KCNJ9: variants seen among roughly 807,000 people sequenced by gnomAD.
KCNJ9 encodes potassium inwardly rectifying channel subfamily J member 9, also known as G protein-activated inward rectifier potassium channel 3.
In KCNJ9, 18 loss-of-function variants were observed where a neutral mutation model predicts 27.9. That is an observed-to-expected ratio of 0.65 (90% CI 0.45 to 0.96). KCNJ9 has a LOEUF of 0.96. Ranked by LOEUF, KCNJ9 falls within the 40% of genes least tolerant of loss-of-function variation. The pLI is 0.00. For missense variants in KCNJ9, 324 were observed against 557.5 expected (o/e 0.58, Z 4.22); for synonymous variants, 229 against 248.2 (o/e 0.92, Z 0.73).
chr1:160,083,815 C>G (rs554385979), intron 1 of KCNJ9, 102 bp from the exon 2 acceptor site: 1 of 311,542 alleles, frequency 3.2e-6, no homozygotes, highest in Non-Finnish European at 5.8e-6. Context: ...CCAGGCAACA[C>G]GAAGGGACTC....
chr1:160,084,788 C>T lies in KCNJ9; in HGVS notation c.758C>T (p.Ala253Val). 6.4e-7 allele frequency: 1 copy of T among 1,553,772 alleles called. No individual in the cohort carries two copies. The highest frequency in any genetic ancestry group is 8.7e-7 in the Non-Finnish European group (1 of 1,149,388). The change falls in exon 2 of 3, where the codon GCC becomes GTC. Residue 253 changes from alanine (A) to valine (V), a missense_variant. Coordinates refer to ENST00000368088, the MANE Select transcript of KCNJ9 (RefSeq NM_004983.3). ...CTGGTTATCAGCCACGAGATCGACG[C>T]CGCCAGCCCCTTCTGGGAGGCGTCG... ...SPLVISHEID[A>V]ASPFWEASRR...
Position 160,089,804 on chromosome 1 carries a change from G to A in KCNJ9, c.*1987G>A, listed in dbSNP as rs12094214. On this transcript the variant is annotated 3_prime_UTR_variant, in exon 3 of 3. Coordinates refer to ENST00000368088, the MANE Select transcript of KCNJ9 (RefSeq NM_004983.3). ...GAGAGCCTGCCCTGGGACAGCGCCT[G>A]TCTCCCACACAGCAGCACTGGCCCA... 2,610 of 152,454 alleles carry A rather than the reference G, an allele frequency of 0.017. 81 individuals carry two copies. Among genetic ancestry groups the A allele is most frequent in the African/African-American group, 0.059 (2,459 of 41,532 alleles). The allele number at this position is 152,454 out of a possible 1,614,324, so 9.4% of individuals were successfully genotyped here.
At position 160,087,615 on chromosome 1, in the gene KCNJ9, A is replaced by C. The variant is rs759288592; in HGVS notation, c.980A>C (p.Glu327Ala). The C allele has an allele frequency of 6.2e-7, 1 of 1,613,448 alleles. No homozygotes were observed. The highest frequency in any genetic ancestry group is 1.1e-5 in the South Asian group (1 of 91,064). Reference protein sequence around the residue: ...VDYASFHETFEVPTPSCSARE... With the variant: ...VDYASFHETFAVPTPSCSARE... ...TATGCCAGCTTTCACGAGACTTTTG[A>C]GGTGCCCACACCTTCGTGCAGTGCT... The change falls in exon 3 of 3, where the codon GAG (glutamate) becomes GCG (alanine). Residue 327 changes from glutamate to alanine, a missense_variant. Physicochemically the swap from Glu to Ala is moderately radical, Grantham distance 107. Coordinates refer to ENST00000368088, the MANE Select transcript of KCNJ9 (RefSeq NM_004983.3).
rs1649871104 is a variant in KCNJ9 at position 160,090,091 on chromosome 1, T to A, written c.*2274T>A. The A allele has an allele frequency of 6.6e-6, 1 of 152,192 alleles. No homozygotes were observed. The highest frequency in any genetic ancestry group is 2.1e-4 in the South Asian group (1 of 4,826). The allele number at this position is 152,192 out of a possible 1,614,324, so 9.4% of individuals were successfully genotyped here. A position where few individuals can be genotyped will look rare whatever the true frequency, so the allele number is the denominator to read the frequency against. On this transcript the variant is annotated 3_prime_UTR_variant, in exon 3 of 3. Coordinates refer to ENST00000368088, the MANE Select transcript of KCNJ9 (RefSeq NM_004983.3). Reference sequence around the variant, plus strand: ...CTTCCTTTCAGTCAAAACACGGATATCTTTGCCTCAGGTCACAGGGCCACT... The same window carrying A: ...CTTCCTTTCAGTCAAAACACGGATAACTTTGCCTCAGGTCACAGGGCCACT...
chr1:160,081,981 G>C (rs1293728596), intron 1 of KCNJ9, among the ~76,000 whole-genome samples: 1 of 152,220 alleles, frequency 6.6e-6, no homozygotes, highest in Non-Finnish European at 1.5e-5. Context: ...TCTTGAGATA[G>C]AGGTAACAAT....
At chr1:160,085,846 G>C (rs886718788) in intron 2 of KCNJ9, among the ~76,000 whole-genome samples, 1 of 152,202 alleles carries the variant, frequency 6.6e-6, no homozygotes, top group Admixed American at 6.5e-5. Flanking sequence ...GCTCCCTGCC[G>C]GCTTCGCTGA....
In KCNJ9 at chr1:160,090,073, T is replaced by C. The variant is rs1185121806; in HGVS notation, c.*2256T>C. The C allele has an allele frequency of 6.6e-6, 1 of 152,172 alleles. No individual in the cohort carries two copies. Among genetic ancestry groups the C allele is most frequent in the East Asian group, 1.9e-4 (1 of 5,196 alleles). The allele number at this position is 152,172 out of a possible 1,614,324, so 9.4% of individuals were successfully genotyped here. A position where few individuals can be genotyped will look rare whatever the true frequency, so the allele number is the denominator to read the frequency against. On this transcript the variant is annotated 3_prime_UTR_variant, in exon 3 of 3. Transcript: ENST00000368088. ...GGACCCAAGTCCCAGTCCCTTCCTT[T>C]CAGTCAAAACACGGATATCTTTGCC...
At position 160,081,681 on chromosome 1, in the gene KCNJ9, T is replaced by A. The variant is rs932500751; in HGVS notation, c.-131T>A. 1.3e-5 allele frequency: 2 copies of A among 152,084 alleles called. No homozygotes were observed. 9.4% of individuals were successfully genotyped at this position (152,084 alleles called of 1,614,324 possible). On this transcript the variant is annotated 5_prime_UTR_variant, in exon 1 of 3. Transcript: ENST00000368088. ...CCCAGGGGTCTCTGCTGCCGGCTAC[T>A]CTCCTCTCCACGTGCTGTGAGTTGA...
intron 1 of KCNJ9, among the ~76,000 whole-genome samples, chr1:160,083,610 G>A (rs923217732): frequency 4.6e-5 from 7 of 152,080 alleles, no homozygotes; most frequent in African/African-American, 1.7e-4. Flanking sequence ...CTTTGGCCCC[G>A]GGGCTGCCCC....
At chr1:160,085,745 AGGATAGATGAGG>A (rs1453604656) in intron 2 of KCNJ9, among the ~76,000 whole-genome samples, 2 of 152,212 alleles carry the variant, frequency 1.3e-5, no homozygotes, top group African/African-American at 4.8e-5. Context: ...TGAGATCTAG[AGGATAGATGAGG>A]ATGAGGAAAC....
In KCNJ9 at chr1:160,084,858, C is replaced by G; in HGVS notation, c.828C>G (p.Leu276=). 1 of 1,532,714 alleles carries G rather than the reference C, an allele frequency of 6.5e-7. No individual in the cohort carries two copies. The highest frequency in any genetic ancestry group is 8.8e-7 in the Non-Finnish European group (1 of 1,139,046). 94.9% of individuals were successfully genotyped at this position (1,532,714 alleles called of 1,614,324 possible). A position where few individuals can be genotyped will look rare whatever the true frequency, so the allele number is the denominator to read the frequency against. Residue 276 remains leucine, a synonymous_variant, in exon 2 of 3, where the codon CTC becomes CTG. Coordinates refer to ENST00000368088, the MANE Select transcript of KCNJ9 (RefSeq NM_004983.3). The stretch of plus-strand genomic sequence containing the variant: ...ACGACTTCGAGATCGTCGTTATCCT[C>G]GAGGGCATGGTGGAAGCCACGGGTG... ...ERDDFEIVVI[L]EGMVEATGMT... is the part of the protein sequence containing the mutation.
At chr1:160,085,071 A>G (rs901476342) in intron 2 of KCNJ9, among the ~76,000 whole-genome samples, 191 bp downstream of exon 2, 2 of 152,168 alleles carry the variant, frequency 1.3e-5, no homozygotes, top group African/African-American at 4.8e-5. Context: ...GGCCAAGAGA[A>G]AGCTTGGAGG....
Position 160,088,129 on chromosome 1 carries a change from G to A in KCNJ9, c.*312G>A. On this transcript the variant is annotated 3_prime_UTR_variant, in exon 3 of 3. Transcript: ENST00000368088. ...TTGGGGGTTGGATGGGAAGATGGTA[G>A]CAGATAAAGACAGCTGACAGATACA... 3.2e-6 allele frequency: 1 copy of A among 317,366 alleles called. No homozygotes were observed. The highest frequency in any genetic ancestry group is 5.7e-6 in the Non-Finnish European group (1 of 173,926). 19.7% of individuals were successfully genotyped at this position (317,366 alleles called of 1,614,324 possible).
At chr1:160,085,506 T>G (rs1649760928) in intron 2 of KCNJ9, among the ~76,000 whole-genome samples, 1 of 152,196 alleles carries the variant, frequency 6.6e-6, no homozygotes, top group Non-Finnish European at 1.5e-5. Flanking sequence ...AGGCCGGATC[T>G]TGAGGGGAGT....
rs370461034 is a variant in KCNJ9 at position 160,084,249 on chromosome 1, C to T, written c.219C>T (p.Leu73=). 5.6e-6 allele frequency: 9 copies of T among 1,613,354 alleles called. No individual in the cohort carries two copies. In the African/African-American group the frequency reaches 1.2e-4, roughly 22 times the overall value. The change falls in exon 2 of 3, where the codon CTC becomes CTT. Residue 73 remains leucine, a synonymous_variant. Coordinates refer to ENST00000368088, the MANE Select transcript of KCNJ9 (RefSeq NM_004983.3). ...TCCTGGCCTACGCGCTCACCTGGCT[C>T]TTCTTCGGCGCCATCTGGTGGCTGA... ...FFVLAYALTW[L]FFGAIWWLIA...
Position 160,084,156 on chromosome 1 carries a change from C to A in KCNJ9, c.126C>A (p.Tyr42Ter). The change falls in exon 2 of 3, where the codon TAC becomes TAA. Residue 42 changes from tyrosine (Y) to a stop codon, truncating the protein, a stop_gained. Transcript: ENST00000368088. LOFTEE classifies it high-confidence loss of function. ...AGCAGGGCAACGTGCGCGAGACATA[C>A]CGCTACCTGACGGACCTGTTCACCA... The part of the protein sequence containing the change: ...NVQQGNVRET[Y>*]RYLTDLFTTL... 1 of 1,593,336 alleles carries A rather than the reference C, an allele frequency of 6.3e-7. No homozygotes were observed. The highest frequency in any genetic ancestry group is 8.5e-7 in the Non-Finnish European group (1 of 1,169,664).
rs1229784503 is a variant in KCNJ9, at chr1:160,088,991, T to G, written c.*1174T>G. 6.6e-6 allele frequency: 1 copy of G among 152,250 alleles called. No individual in the cohort carries two copies. The highest frequency in any genetic ancestry group is 1.5e-5 in the Non-Finnish European group (1 of 68,074). 9.4% of individuals were successfully genotyped at this position (152,250 alleles called of 1,614,324 possible). A position where few individuals can be genotyped will look rare whatever the true frequency, so the allele number is the denominator to read the frequency against. On this transcript the variant is annotated 3_prime_UTR_variant, in exon 3 of 3. Coordinates refer to ENST00000368088, the MANE Select transcript of KCNJ9 (RefSeq NM_004983.3). ...AGGAGTTAGAAATCTCCAGTGTGCGTTGGAATCACCTGGAGGGCTTGGTAA... is the reference window on the plus strand; with the variant it reads ...AGGAGTTAGAAATCTCCAGTGTGCGGTGGAATCACCTGGAGGGCTTGGTAA...
chr1:160,082,760 C>T (rs1406763584), intron 1 of KCNJ9, among the ~76,000 whole-genome samples: 9 of 152,166 alleles, frequency 5.9e-5, no homozygotes, highest in African/African-American at 2.2e-4. Context: ...GTCCCAAATC[C>T]TATTCTAAAC....
rs1323388495 is a variant in KCNJ9, at chr1:160,084,264, C to G, written c.234C>G (p.Ile78Met). Residue 78 changes from isoleucine (I) to methionine (M), a missense_variant, in exon 2 of 3, where the codon ATC becomes ATG. Physicochemically the swap from Ile to Met is conservative, Grantham distance 10. Around this residue, in one of 3 missense-constraint regions of KCNJ9, gnomAD observed 241 missense variants for 481.7 expected, o/e 0.50. Coordinates refer to ENST00000368088, the MANE Select transcript of KCNJ9 (RefSeq NM_004983.3). ...TCACCTGGCTCTTCTTCGGCGCCATCTGGTGGCTGATCGCCTACGGCCGCG... is the reference window on the plus strand; with the variant it reads ...TCACCTGGCTCTTCTTCGGCGCCATGTGGTGGCTGATCGCCTACGGCCGCG... ...YALTWLFFGAIWWLIAYGRGD... is the reference protein window; with the variant it reads ...YALTWLFFGAMWWLIAYGRGD... 1.2e-6 allele frequency: 2 copies of G among 1,613,384 alleles called. No homozygotes were observed. Among genetic ancestry groups the G allele is most frequent in the Non-Finnish European group, 1.7e-6 (2 of 1,179,884 alleles).
Sources: allele counts gnomAD v4.1 joint callset (sites outside exome capture counted in the v4.1 genomes callset), GRCh38; gene constraint gnomAD v4.1.1; regional missense constraint gnomAD v4.1.1; transcripts MANE v1.5; gene names NCBI Gene and HGNC (gene_info 2026-07-23, HGNC 2026-07-21).